Variants in USP13 observed in about 807,000 individuals in gnomAD.
USP13 encodes ubiquitin carboxyl-terminal hydrolase 13.
A neutral mutation model predicts 107.8 loss-of-function variants in USP13; 68 were observed. The ratio of observed to expected loss-of-function variants is 0.63; its 90% CI spans 0.52 to 0.77. The LOEUF (loss-of-function observed/expected upper bound fraction) is 0.77, where lower values mean the gene tolerates loss of function less well. Ranked by LOEUF, USP13 falls within the 30% of genes least tolerant of loss-of-function variation. The pLI is 0.00. For missense variants in USP13, 945 were observed against 1,093.3 expected, an observed-to-expected ratio of 0.86 and a Z score of 1.91; for synonymous variants, 377 against 389.5, an observed-to-expected ratio of 0.97 and a Z score of 0.38.
intron 1 of USP13, among the ~76,000 whole-genome samples, chr3:179,671,322 A>G (rs2108443833): frequency 6.6e-6 from 1 of 152,282 alleles, no homozygotes; most frequent in African/African-American, 2.4e-5. Context: ...TGTGGTTGGG[A>G]AGCCAGGTTT....
intron 12 of USP13, among the ~76,000 whole-genome samples, chr3:179,743,733 CT>C (rs922596516): frequency 3.4e-5 from 5 of 148,566 alleles, no homozygotes; most frequent in African/African-American, 4.9e-5. Flanking sequence ...GTGATAACTA[CT>C]TTTTTTTTTC....
intron 4 of USP13, 89 bp from the exon 5 acceptor site, chr3:179,706,845 A>C (rs928656998): frequency 3.8e-5 from 54 of 1,428,142 alleles, no homozygotes; most frequent in Non-Finnish European, 5.0e-5. Context: ...TCAGTTTTTA[A>C]ATTCATATTC....
chr3:179,744,456 G>A (rs1714325482), intron 12 of USP13, among the ~76,000 whole-genome samples: 1 of 150,794 alleles, frequency 6.6e-6, no homozygotes, highest in Non-Finnish European at 1.5e-5. Flanking sequence ...TGTGATCATT[G>A]GCAAAAATTG....
intron 10 of USP13, among the ~76,000 whole-genome samples, chr3:179,732,745 T>TAA (rs3216644): frequency 1.3e-5 from 2 of 152,090 alleles, no homozygotes; most frequent in Non-Finnish European, 1.5e-5. Flanking sequence ...CCTTTTATGT[T>TAA]AAAAAAAGTA....
rs906749093 is a variant in USP13 at position 179,653,078 on chromosome 3, A to G, written c.-148A>G. 5 of 638,206 alleles carry G rather than the reference A, an allele frequency of 7.8e-6. No individual in the cohort carries two copies. In the African/African-American group the frequency reaches 8.0e-5, roughly 10 times the overall value. The allele number at this position is 638,206 out of a possible 1,614,324, so 39.5% of individuals were successfully genotyped here. A position where few individuals can be genotyped will look rare whatever the true frequency, so the allele number is the denominator to read the frequency against. ...CCCGCGGTGCCCGCTCCCGCCCCGCAGCCCGCTCTCCCCGCCCGCCCCGGC... is the reference window on the plus strand; with the variant it reads ...CCCGCGGTGCCCGCTCCCGCCCCGCGGCCCGCTCTCCCCGCCCGCCCCGGC... On this transcript the variant is annotated 5_prime_UTR_variant, in exon 1 of 21. Coordinates refer to ENST00000263966, the MANE Select transcript of USP13 (RefSeq NM_003940.3). This position sits in a 1 kb window ranked among gnomAD's most constrained non-coding sequence, Gnocchi z 4.0.
chr3:179,712,118 T>G (rs184251997), intron 6 of USP13, among the ~76,000 whole-genome samples: 1 of 152,358 alleles, frequency 6.6e-6, no homozygotes. Flanking sequence ...CAGTGAGTGA[T>G]TGTAATTAGA....
chr3:179,742,072 G>A lies in USP13; in HGVS notation c.1381-125G>A, dbSNP rs149961941. Reference sequence around the variant, plus strand: ...TTTCTATTAAAGTGCTTTGGTGAATGGGCATGGCCAGAGGAAATGTTTAAT... The same window carrying A: ...TTTCTATTAAAGTGCTTTGGTGAATAGGCATGGCCAGAGGAAATGTTTAAT... On this transcript the variant is annotated intron_variant, in intron 11 of 20. Transcript: ENST00000263966. The surrounding 1 kb of genome is among the most constrained non-coding windows in gnomAD (Gnocchi z 5.0). 25 of 1,157,132 alleles carry A rather than the reference G, an allele frequency of 2.2e-5. No individual in the cohort carries two copies. The highest frequency in any genetic ancestry group is 3.1e-5 in the African/African-American group (2 of 64,510). 71.7% of individuals were successfully genotyped at this position (1,157,132 alleles called of 1,614,324 possible). A position where few individuals can be genotyped will look rare whatever the true frequency, so the allele number is the denominator to read the frequency against.
rs34976120 is a variant in USP13 at position 179,714,870 on chromosome 3, C to CTTT, written c.806-5058_806-5056dup. On this transcript the variant is annotated intron_variant, in intron 6 of 20. Coordinates refer to ENST00000263966, the MANE Select transcript of USP13 (RefSeq NM_003940.3). ...GGCGGTTCTCTTTCTTTTCCTTTTTCTTTTTTTTTTTTTTGTTTGAGGCAG... is the reference window on the plus strand; with the variant it reads ...GGCGGTTCTCTTTCTTTTCCTTTTTCTTTTTTTTTTTTTTTTTGTTTGAGGCAG... Among the ~76,000 whole-genome samples, 220 of 137,452 alleles carry CTTT rather than the reference C, an allele frequency of 1.6e-3. 1 individual carries two copies. The highest frequency in any genetic ancestry group is 5.3e-3 in the East Asian group (25 of 4,708). 90.2% of individuals were successfully genotyped at this position (137,452 alleles called of 152,430 possible).
intron 19 of USP13, among the ~76,000 whole-genome samples, chr3:179,771,756 AAAG>A (rs1474890887): frequency 7.9e-5 from 12 of 152,248 alleles, no homozygotes; most frequent in Non-Finnish European, 1.8e-4. Context: ...GGTAGGGATT[AAAG>A]AAGTACAGGT....
chr3:179,684,305 A>ACACACACG (rs1711786084), intron 2 of USP13, among the ~76,000 whole-genome samples: 2 of 141,482 alleles, frequency 1.4e-5, no homozygotes, highest in Non-Finnish European at 3.1e-5. Flanking sequence ...ACACACACAC[A>ACACACACG]CACACACATT....
chr3:179,748,269 T>C (rs1714479805), intron 13 of USP13, among the ~76,000 whole-genome samples: 1 of 152,276 alleles, frequency 6.6e-6, no homozygotes, highest in South Asian at 2.1e-4. Context: ...CCCATATTCC[T>C]TGTCATGCTT....
At chr3:179,680,526 A>G (rs1711613505) in intron 1 of USP13, among the ~76,000 whole-genome samples, 1 of 152,140 alleles carries the variant, frequency 6.6e-6, no homozygotes, top group Admixed American at 6.6e-5. Flanking sequence ...TTTGGATTAG[A>G]GATATTCAAG....
intron 1 of USP13, among the ~76,000 whole-genome samples, chr3:179,677,306 G>A (rs561110221): frequency 1.2e-4 from 18 of 151,974 alleles, no homozygotes; most frequent in Non-Finnish European, 8.8e-5. Flanking sequence ...ATTTCTGGCC[G>A]GGTGCAGTGG....
chr3:179,709,415 T>C (rs1444077026), intron 6 of USP13, among the ~76,000 whole-genome samples: 4 of 152,218 alleles, frequency 2.6e-5, no homozygotes, highest in Non-Finnish European at 5.9e-5. Context: ...GGATTAATTA[T>C]GGAGAATATG....
At chr3:179,772,501 AG>A (rs1715371647) in intron 19 of USP13, among the ~76,000 whole-genome samples, 1 of 152,162 alleles carries the variant, frequency 6.6e-6, no homozygotes, top group African/African-American at 2.4e-5. Flanking sequence ...GGGGTTCCTG[AG>A]GTGCTGAGCT....
At chr3:179,774,422 T>A (rs1476385796) in intron 19 of USP13, among the ~76,000 whole-genome samples, 1 of 152,184 alleles carries the variant, frequency 6.6e-6, no homozygotes, top group Non-Finnish European at 1.5e-5. Context: ...ATGTTCAAAG[T>A]TTCTTTCTTC....
chr3:179,695,029 T>C (rs1419992825), intron 3 of USP13, among the ~76,000 whole-genome samples: 2 of 152,070 alleles, frequency 1.3e-5, no homozygotes, highest in Non-Finnish European at 2.9e-5. Context: ...TGGGGTCTCT[T>C]ATTAGGAAGA....
chr3:179,653,670 T>C lies in USP13; in HGVS notation c.168+277T>C, dbSNP rs374904072. The C allele has an allele frequency of 4.6e-5, 20 of 433,648 alleles. No homozygotes were observed. Among genetic ancestry groups the C allele is most frequent in the Non-Finnish European group, 7.9e-5 (19 of 240,118 alleles). The allele number at this position is 433,648 out of a possible 1,614,324, so 26.9% of individuals were successfully genotyped here. ...ACACAGCCCCGCCGCCGTTTAAAGA[T>C]AGATGAAATACAAGAGTTCCCTGTT... On this transcript the variant is annotated intron_variant, in intron 1 of 20. Transcript: ENST00000263966. The surrounding 1 kb of genome is among the most constrained non-coding windows in gnomAD (Gnocchi z 4.0).
intron 1 of USP13, among the ~76,000 whole-genome samples, chr3:179,677,402 G>A (rs1236741995): frequency 6.6e-6 from 1 of 151,834 alleles, no homozygotes; most frequent in African/African-American, 2.4e-5. Context: ...CTAACATGGA[G>A]AAACCCCGTC....
Sources: gnomAD v4.1 joint callset for allele counts (sites outside exome capture counted in the v4.1 genomes callset) on GRCh38, gnomAD v4.1.1 for gene constraint, Gnocchi (gnomAD v3.1) non-coding constraint, MANE v1.5 for transcripts, NCBI Gene and HGNC (gene_info 2026-07-23, HGNC 2026-07-21) for gene names.